The following RRP36 variants were observed in gnomAD, a reference collection of about 807,000 sequenced individuals.
The protein encoded by RRP36 is ribosomal RNA processing 36.
In RRP36, 44 loss-of-function variants were observed where a neutral mutation model predicts 39.8. The ratio of observed to expected loss-of-function variants is 1.10; its 90% CI spans 0.87 to 1.42. RRP36 has a LOEUF of 1.42. Among genes scored for constraint, RRP36 ranks in the 40% most tolerant of loss-of-function variants. RRP36 has a pLI of 0.00. For synonymous variants in RRP36, 124 were observed against 123.1 expected, an observed-to-expected ratio of 1.01 and a Z score of -0.05; for missense variants, 316 against 322.4, an observed-to-expected ratio of 0.98 and a Z score of 0.15.
rs1762835334 is a variant in RRP36, at chr6:43,027,492, A to G, written c.643+15A>G. ...CCTGAAAAAATGTGAGTTGGGCACA[A>G]CTGTTGCTAACAGGGACAGGGGTGC... On this transcript the variant is annotated intron_variant, in intron 6 of 6. Transcript: ENST00000244496. The G allele has an allele frequency of 6.2e-7, 1 of 1,602,446 alleles. No homozygotes were observed. Among genetic ancestry groups the G allele is most frequent in the Non-Finnish European group, 8.5e-7 (1 of 1,170,584 alleles).
chr6:43,027,472 A>AG lies in RRP36; in HGVS notation c.638_639insG (p.Ser215IlefsTer2). ...CAGGGCCATCGGCCATACTTCCTGA[A>AG]AAAATGTGAGTTGGGCACAACTGTT... On this transcript the variant is annotated frameshift_variant, in exon 6 of 7. Transcript: ENST00000244496. LOFTEE classifies it high-confidence loss of function. 6.2e-7 allele frequency: 1 copy of AG among 1,613,478 alleles called. No homozygotes were observed. Among genetic ancestry groups the AG allele is most frequent in the Non-Finnish European group, 8.5e-7 (1 of 1,179,674 alleles).
chr6:43,021,917 T>G (rs1762722248), intron 1 of RRP36, 133 bp downstream of exon 1: 1 of 615,186 alleles, frequency 1.6e-6, no homozygotes. Flanking sequence ...GTGCCCCCAG[T>G]GCAGTGGAAA....
Position 43,021,882 on chromosome 6 carries a change from C to CT in RRP36, c.130+99dup, listed in dbSNP as rs1342264852. On this transcript the variant is annotated intron_variant, in intron 1 of 6. Coordinates refer to ENST00000244496, the MANE Select transcript of RRP36 (RefSeq NM_033112.4). ...GGTGCCGGTAAGACTGCCAAGTTCT[C>CT]TAAGAGGCAGACGCTACACTAGGGG... The CT allele has an allele frequency of 1.9e-5, 18 of 942,044 alleles. No individual in the cohort carries two copies. In the East Asian group the frequency reaches 3.3e-4, roughly 17 times the overall value. The allele number at this position is 942,044 out of a possible 1,614,324, so 58.4% of individuals were successfully genotyped here. A position where few individuals can be genotyped will look rare whatever the true frequency, so the allele number is the denominator to read the frequency against.
In RRP36 at chr6:43,025,246, T is replaced by A; in HGVS notation, c.279-17T>A. On this transcript the variant is annotated splice_polypyrimidine_tract_variant and intron_variant, in intron 2 of 6. Coordinates refer to ENST00000244496, the MANE Select transcript of RRP36 (RefSeq NM_033112.4). ...AACACTGGAGTCCTCTTGACTTGGC[T>A]TTTAATTTCTCCATAGGCCTCTGGA... 6.2e-7 allele frequency: 1 copy of A among 1,614,136 alleles called. No homozygotes were observed. The highest frequency in any genetic ancestry group is 8.5e-7 in the Non-Finnish European group (1 of 1,179,980).
rs778570621 is a variant in RRP36, at chr6:43,029,460, GTTC to G, written c.*237_*239del. On this transcript the variant is annotated 3_prime_UTR_variant, in exon 7 of 7. Transcript: ENST00000244496. Reference sequence around the variant, plus strand: ...TGAATCTGGTTCATTGCGTCCTCGTGTTCTTCTCTCATCCTTGCCTTAAACCAG... The same window carrying G: ...TGAATCTGGTTCATTGCGTCCTCGTGTTCTCTCATCCTTGCCTTAAACCAG... 14 of 438,438 alleles carry G rather than the reference GTTC, an allele frequency of 3.2e-5. No individual in the cohort carries two copies. The highest frequency in any genetic ancestry group is 5.2e-5 in the Non-Finnish European group (13 of 247,970). 27.2% of individuals were successfully genotyped at this position (438,438 alleles called of 1,614,324 possible).
At chr6:43,026,694 T>C (rs1762817767) in intron 4 of RRP36, among the ~76,000 whole-genome samples, 1 of 150,504 alleles carries the variant, frequency 6.6e-6, no homozygotes, top group South Asian at 2.1e-4. Flanking sequence ...ACTGTCTTGG[T>C]GTTATCAAGT....
At chr6:43,024,883 T>G in intron 1 of RRP36, 102 bp from the exon 2 acceptor site, 2 of 1,349,460 alleles carry the variant, frequency 1.5e-6, no homozygotes, top group African/African-American at 1.4e-5. Flanking sequence ...ATTGGTCTGA[T>G]GGGGTATTAG....
At position 43,028,227 on chromosome 6, in the gene RRP36, G is replaced by A. The variant is rs570957829; in HGVS notation, c.643+750G>A. 2.6e-5 allele frequency among the ~76,000 whole-genome samples: 4 copies of A among 152,248 alleles called. No homozygotes were observed. The East Asian group carries it at 7.7e-4, about 29-fold the overall frequency. On this transcript the variant is annotated intron_variant, in intron 6 of 6. Coordinates refer to ENST00000244496, the MANE Select transcript of RRP36 (RefSeq NM_033112.4). ...GCACCTGTAATCCAGCTACTCAGGA[G>A]GCTGAGGCAGGAGGATCACTTGAGC...
At position 43,029,299 on chromosome 6, in the gene RRP36, C is replaced by T. The variant is rs1483456599; in HGVS notation, c.*71C>T. Reference sequence around the variant, plus strand: ...TCTGTGAGGACAGATTTGGCCACGGCTGGTTTCCGTTCAAGGGCAAGGATC... The same window carrying T: ...TCTGTGAGGACAGATTTGGCCACGGTTGGTTTCCGTTCAAGGGCAAGGATC... On this transcript the variant is annotated 3_prime_UTR_variant, in exon 7 of 7. Transcript: ENST00000244496. The T allele has an allele frequency of 6.4e-7, 1 of 1,573,864 alleles. No homozygotes were observed. Among genetic ancestry groups the T allele is most frequent in the Non-Finnish European group, 8.7e-7 (1 of 1,151,760 alleles).
intron 1 of RRP36, among the ~76,000 whole-genome samples, chr6:43,024,372 CAG>C (rs1019890457): frequency 2.0e-5 from 3 of 152,060 alleles, no homozygotes; most frequent in African/African-American, 7.2e-5. Context: ...AGAGATATGA[CAG>C]GGGCCAGGTC....
In RRP36 at chr6:43,026,044, G is replaced by A. The variant is rs146780269; in HGVS notation, c.353G>A (p.Arg118Gln). The change falls in exon 4 of 7, where the codon CGG becomes CAG. Residue 118 changes from arginine to glutamine, a missense_variant. Physicochemically the swap from Arg to Gln is conservative, Grantham distance 43. Transcript: ENST00000244496. ...TCTCTCTTCTCTCCAAAGGTAGCCCGGGACCCTCGCTTTGATGATCTGTCA... is the reference window on the plus strand; with the variant it reads ...TCTCTCTTCTCTCCAAAGGTAGCCCAGGACCCTCGCTTTGATGATCTGTCA... ...QVVPISKKVA[R>Q]DPRFDDLSGE... is the part of the protein sequence containing the mutation. The A allele has an allele frequency of 2.1e-5, 34 of 1,611,972 alleles. No individual in the cohort carries two copies. Among genetic ancestry groups the A allele is most frequent in the Admixed American group, 1.0e-4 (6 of 59,980 alleles).
chr6:43,027,228 A>C lies in RRP36; in HGVS notation c.501A>C (p.Lys167Asn). 1 of 1,614,244 alleles carries C rather than the reference A, an allele frequency of 6.2e-7. No homozygotes were observed. Among genetic ancestry groups the C allele is most frequent in the East Asian group, 2.2e-5 (1 of 44,890 alleles). Residue 167 changes from lysine to asparagine, a missense_variant, in exon 5 of 7, where the codon AAA becomes AAC. Lys to Asn is a moderately conservative substitution (Grantham distance 94). Coordinates refer to ENST00000244496, the MANE Select transcript of RRP36 (RefSeq NM_033112.4). ...ACCTTTCAGGAGAGGAGCATGAGAA[A>C]CTGCAGCAACTGCTTCAGCGAATGG... ...KKHLSGEEHEKLQQLLQRMEQ... is the reference protein window; with the variant it reads ...KKHLSGEEHENLQQLLQRMEQ...
At chr6:43,024,838 A>C (rs1490031925) in intron 1 of RRP36, 147 bp from the exon 2 acceptor site, 1 of 977,102 alleles carries the variant, frequency 1.0e-6, no homozygotes, top group African/African-American at 1.7e-5. Flanking sequence ...GTTTAACACT[A>C]TCACAGCCTC....
At chr6:43,022,564 A>G (rs1171912267) in intron 1 of RRP36, among the ~76,000 whole-genome samples, 1 of 147,192 alleles carries the variant, frequency 6.8e-6, no homozygotes, top group African/African-American at 2.6e-5. Context: ...CAGGCGCGTC[A>G]CCACGCCTGC....
At position 43,027,216 on chromosome 6, in the gene RRP36, G is replaced by A. The variant is rs150243178; in HGVS notation, c.489G>A (p.Glu163=). 1.2e-6 allele frequency: 2 copies of A among 1,614,222 alleles called. No homozygotes were observed. Among genetic ancestry groups the A allele is most frequent in the Non-Finnish European group, 1.7e-6 (2 of 1,180,018 alleles). Residue 163 remains glutamate, a synonymous_variant, in exon 5 of 7, where the codon GAG becomes GAA. Transcript: ENST00000244496. ...AGTTGAAGAAGCACCTTTCAGGAGA[G>A]GAGCATGAGAAACTGCAGCAACTGC... ...KKQLKKHLSG[E]EHEKLQQLLQ...
At chr6:43,026,487 A>C (rs995628862) in intron 4 of RRP36, among the ~76,000 whole-genome samples, 5 of 152,074 alleles carry the variant, frequency 3.3e-5, no homozygotes, top group Non-Finnish European at 4.4e-5. Flanking sequence ...AGCCTGGCCA[A>C]CATGGTGAAA....
At chr6:43,028,270 C>T (rs1306984140) in intron 6 of RRP36, among the ~76,000 whole-genome samples, 1 of 151,896 alleles carries the variant, frequency 6.6e-6, no homozygotes, top group Non-Finnish European at 1.5e-5. Flanking sequence ...GTGGAGGTTG[C>T]AGAAAGCCTA....
intron 6 of RRP36, among the ~76,000 whole-genome samples, chr6:43,028,756 G>T (rs939254464): frequency 5.3e-5 from 8 of 152,034 alleles, no homozygotes; most frequent in African/African-American, 1.9e-4. Context: ...TTCGAGACCA[G>T]CCTGGCCAAC....
intron 4 of RRP36, 104 bp downstream of exon 4, chr6:43,026,245 A>G: frequency 2.9e-6 from 2 of 687,444 alleles, no homozygotes; most frequent in Non-Finnish European, 5.1e-6. Flanking sequence ...TGGTGGGCAG[A>G]TTTAACTCTC....
Sources: allele counts gnomAD v4.1 joint callset (sites outside exome capture counted in the v4.1 genomes callset), GRCh38; gene constraint gnomAD v4.1.1; transcripts MANE v1.5; gene names NCBI Gene and HGNC (gene_info 2026-07-23, HGNC 2026-07-21).